Variants in SLC16A7 observed in about 807,000 individuals in gnomAD.
SLC16A7 encodes solute carrier family 16 member 7, also known as monocarboxylate transporter 2.
A neutral mutation model predicts 34.9 loss-of-function variants in SLC16A7; 33 were observed. That is an observed-to-expected ratio of 0.94 (90% CI 0.72 to 1.26). SLC16A7 has a LOEUF of 1.26. Among genes scored for constraint, SLC16A7 ranks in the 50% most tolerant of loss-of-function variants. SLC16A7 has a pLI of 0.00. For missense variants in SLC16A7, 573 were observed against 578.1 expected (o/e 0.99, Z 0.09); for synonymous variants, 201 against 206.6 (o/e 0.97, Z 0.23).
intron 3 of SLC16A7, among the ~76,000 whole-genome samples, chr12:59,723,894 G>GA (rs1443094349): frequency 6.6e-6 from 1 of 151,740 alleles, no homozygotes; most frequent in African/African-American, 2.4e-5. Context: ...TTCCATGTGA[G>GA]AAGTATATTC....
intron 1 of SLC16A7, among the ~76,000 whole-genome samples, chr12:59,648,171 T>C (rs1868280846): frequency 6.6e-6 from 1 of 152,140 alleles, no homozygotes; most frequent in Non-Finnish European, 1.5e-5. Flanking sequence ...GAGAGGAAGA[T>C]ACCAAGATAT....
In SLC16A7 at chr12:59,782,277, AAT is replaced by A. The variant is rs933589690; in HGVS notation, c.*2602_*2603del. The A allele has an allele frequency of 3.9e-5, 6 of 152,166 alleles. No individual in the cohort carries two copies. The highest frequency in any genetic ancestry group is 1.2e-4 in the African/African-American group (5 of 41,456). The allele number at this position is 152,166 out of a possible 1,614,324, so 9.4% of individuals were successfully genotyped here. On this transcript the variant is annotated 3_prime_UTR_variant, in exon 6 of 6. Coordinates refer to ENST00000547379, the MANE Select transcript of SLC16A7 (RefSeq NM_001270623.2). ...ACAGGATTCAGAATTGTTCCAGGGT[AAT>A]ATAAATTATTCTACTTGTTCACTCT...
At chr12:59,671,123 G>A (rs1437003136) in intron 2 of SLC16A7, among the ~76,000 whole-genome samples, 3 of 152,010 alleles carry the variant, frequency 2.0e-5, no homozygotes, top group Non-Finnish European at 4.4e-5. Context: ...CTGAATTCGA[G>A]GTTCTTTATT....
intron 2 of SLC16A7, among the ~76,000 whole-genome samples, chr12:59,678,715 C>G (rs1415717318): frequency 6.6e-6 from 1 of 152,088 alleles, no homozygotes; most frequent in Non-Finnish European, 1.5e-5. Flanking sequence ...AGCCTGGCCC[C>G]CAAGCTTTAG....
chr12:59,734,938 A>G (rs972745987), intron 3 of SLC16A7, among the ~76,000 whole-genome samples: 2 of 152,214 alleles, frequency 1.3e-5, no homozygotes, highest in African/African-American at 4.8e-5. Flanking sequence ...CTTAACATTC[A>G]GCTTGACATT....
At chr12:59,732,864 G>A (rs955386211) in intron 3 of SLC16A7, among the ~76,000 whole-genome samples, 4 of 152,244 alleles carry the variant, frequency 2.6e-5, no homozygotes, top group South Asian at 2.1e-4. Context: ...TATATGAAGC[G>A]CTGACTGCTA....
At chr12:59,598,682 A>AT (rs1293238096) in intron 1 of SLC16A7, among the ~76,000 whole-genome samples, 2 of 152,132 alleles carry the variant, frequency 1.3e-5, no homozygotes, top group East Asian at 3.8e-4. Context: ...GTAATGAAGG[A>AT]TTTTTCTTCA....
intron 1 of SLC16A7, among the ~76,000 whole-genome samples, chr12:59,610,265 C>A (rs954019411): frequency 2.0e-5 from 3 of 152,030 alleles, no homozygotes; most frequent in African/African-American, 7.2e-5. Context: ...ACCTGGAAAT[C>A]TTTTTCAAAA....
intron 3 of SLC16A7, among the ~76,000 whole-genome samples, chr12:59,723,472 T>C (rs1030811297): frequency 6.6e-6 from 1 of 151,962 alleles, no homozygotes; most frequent in Non-Finnish European, 1.5e-5. Flanking sequence ...ATGATACTTT[T>C]AAAGACGGAG....
intron 1 of SLC16A7, among the ~76,000 whole-genome samples, chr12:59,620,493 T>C (rs1282894635): frequency 6.6e-6 from 1 of 151,966 alleles, no homozygotes; most frequent in Non-Finnish European, 1.5e-5. Flanking sequence ...TTGGAAGTCA[T>C]AGTATTTATT....
At chr12:59,742,285 A>G (rs931370507) in intron 3 of SLC16A7, among the ~76,000 whole-genome samples, 5 of 152,186 alleles carry the variant, frequency 3.3e-5, no homozygotes, top group Admixed American at 2.0e-4. Context: ...TGGCACTTGC[A>G]TTCTATTAAC....
chr12:59,645,914 ACT>A (rs1027413629), intron 1 of SLC16A7, among the ~76,000 whole-genome samples: 21 of 151,906 alleles, frequency 1.4e-4, no homozygotes, highest in African/African-American at 5.1e-4. Context: ...AGTAAAAGTC[ACT>A]CTTGCTATGC....
chr12:59,660,640 G>T (rs1007519264), intron 2 of SLC16A7, among the ~76,000 whole-genome samples: 4 of 152,032 alleles, frequency 2.6e-5, no homozygotes, highest in Non-Finnish European at 5.9e-5. Flanking sequence ...GAGCCCAGGA[G>T]TTCAAGGCTG....
At position 59,666,198 on chromosome 12, in the gene SLC16A7, T is replaced by A. The variant is rs532608645; in HGVS notation, c.-31+10948T>A. On this transcript the variant is annotated intron_variant, in intron 2 of 5. Transcript: ENST00000547379. Reference sequence around the variant, plus strand: ...CTGTTTACTTGCTGAAAAGTCGAGTTGATGGTTATTAGTCAATATTCATGT... The same window carrying A: ...CTGTTTACTTGCTGAAAAGTCGAGTAGATGGTTATTAGTCAATATTCATGT... Among the ~76,000 whole-genome samples the A allele has an allele frequency of 3.9e-5, 6 of 152,306 alleles. No homozygotes were observed. In the South Asian group the frequency reaches 1.2e-3, roughly 32 times the overall value.
chr12:59,707,527 A>G (rs1873728168), intron 3 of SLC16A7, among the ~76,000 whole-genome samples: 1 of 152,034 alleles, frequency 6.6e-6, no homozygotes, highest in Non-Finnish European at 1.5e-5. Context: ...ATTTTAATAT[A>G]TATGGTATAA....
chr12:59,640,420 C>T, intron 1 of SLC16A7, among the ~76,000 whole-genome samples: 1 of 145,874 alleles, frequency 6.9e-6, no homozygotes, highest in Non-Finnish European at 1.6e-5. Flanking sequence ...TTAACTTGAA[C>T]TTTATGCCCC....
intron 2 of SLC16A7, chr12:59,664,974 G>A (rs764959134): frequency 2.0e-5 from 3 of 152,184 alleles, no homozygotes; most frequent in Admixed American, 6.5e-5. Context: ...AATCGTATTC[G>A]TGTTCATTGT....
At chr12:59,736,222 A>G (rs909674443) in intron 3 of SLC16A7, among the ~76,000 whole-genome samples, 1 of 152,222 alleles carries the variant, frequency 6.6e-6, no homozygotes, top group Non-Finnish European at 1.5e-5. Flanking sequence ...AACAACATGC[A>G]CACAAAGCAC....
Position 59,771,329 on chromosome 12 carries a change from G to A in SLC16A7, c.328G>A (p.Val110Ile). The part of the protein sequence containing the change: ...MVLASFSSSV[V>I]QLYLTMGFIT... ...GTTGGCCTCCTTTAGTAGCAGCGTGGTACAGCTGTACCTCACTATGGGATT... is the reference window on the plus strand; with the variant it reads ...GTTGGCCTCCTTTAGTAGCAGCGTGATACAGCTGTACCTCACTATGGGATT... The change falls in exon 4 of 6, where the codon GTA becomes ATA. Residue 110 changes from valine to isoleucine, a missense_variant. By Grantham distance (29) the Val-to-Ile change is conservative. Transcript: ENST00000547379. 4 of 1,611,660 alleles carry A rather than the reference G, an allele frequency of 2.5e-6. No homozygotes were observed. Among genetic ancestry groups the A allele is most frequent in the South Asian group, 1.1e-5 (1 of 90,896 alleles).
Sources: gnomAD v4.1 joint callset for allele counts (sites outside exome capture counted in the v4.1 genomes callset) on GRCh38, gnomAD v4.1.1 for gene constraint, MANE v1.5 for transcripts, NCBI Gene and HGNC (gene_info 2026-07-23, HGNC 2026-07-21) for gene names.